CTNNA3: variants seen among roughly 807,000 people sequenced by gnomAD.
CTNNA3 encodes catenin alpha-3.
A neutral mutation model predicts 95.7 loss-of-function variants in CTNNA3; 76 were observed. The ratio of observed to expected loss-of-function variants is 0.79; its 90% CI spans 0.66 to 0.96. CTNNA3 has a LOEUF of 0.96. Among genes scored for constraint, CTNNA3 ranks in the 40% least tolerant of loss-of-function variants. The probability of loss-of-function intolerance (pLI) is 0.00; values close to 1 mark genes in which losing one functional copy is unlikely to be tolerated. For missense variants in CTNNA3, 1,191 were observed against 1,089.8 expected (o/e 1.09, Z -1.31); for synonymous variants, 431 against 374.4 (o/e 1.15, Z -1.74).
chr10:66,174,110 T>G (rs969489878), intron 13 of CTNNA3, among the ~76,000 whole-genome samples: 3 of 152,094 alleles, frequency 2.0e-5, no homozygotes, highest in Non-Finnish European at 4.4e-5. Context: ...ATTGTTTAGG[T>G]AAAGAAACTG....
chr10:67,330,091 T>C (rs1564571344), intron 5 of CTNNA3, among the ~76,000 whole-genome samples: 1 of 152,230 alleles, frequency 6.6e-6, no homozygotes, highest in Non-Finnish European at 1.5e-5. Context: ...ATGTCATTAA[T>C]CTTACTTGCA....
chr10:66,386,080 G>C (rs1346832549), intron 11 of CTNNA3, among the ~76,000 whole-genome samples: 1 of 152,148 alleles, frequency 6.6e-6, no homozygotes, highest in Non-Finnish European at 1.5e-5. Context: ...ACATAGTGTT[G>C]GAAGTTCTGG....
At chr10:67,738,977 G>T (rs184368802) in intron 1 of CTNNA3, among the ~76,000 whole-genome samples, 3 of 152,326 alleles carry the variant, frequency 2.0e-5, no homozygotes, top group African/African-American at 7.2e-5. Context: ...TGGTGTACCT[G>T]AAAGTGACGG....
intron 9 of CTNNA3, among the ~76,000 whole-genome samples, chr10:66,695,762 T>G (rs947154082): frequency 6.6e-6 from 1 of 152,132 alleles, no homozygotes; most frequent in East Asian, 1.9e-4. Context: ...GCTAGATTCC[T>G]GCTTAAAAAT....
At chr10:66,943,855 A>G (rs1047477669) in intron 7 of CTNNA3, among the ~76,000 whole-genome samples, 2 of 152,200 alleles carry the variant, frequency 1.3e-5, no homozygotes, top group Non-Finnish European at 2.9e-5. Flanking sequence ...GTGCAGTAGC[A>G]CTATGTCAAA....
At chr10:66,936,517 C>G (rs1847703194) in intron 7 of CTNNA3, among the ~76,000 whole-genome samples, 1 of 151,856 alleles carries the variant, frequency 6.6e-6, no homozygotes, top group African/African-American at 2.4e-5. Context: ...TGTTTTCTGC[C>G]TGCAGATCTT....
intron 5 of CTNNA3, among the ~76,000 whole-genome samples, chr10:67,231,921 A>G (rs1298694267): frequency 6.6e-6 from 1 of 152,240 alleles, no homozygotes; most frequent in Non-Finnish European, 1.5e-5. Flanking sequence ...GCAATGGAAG[A>G]TGAAATGAAT....
At chr10:66,555,465 A>C (rs963244) in intron 10 of CTNNA3, among the ~76,000 whole-genome samples, 17,206 of 152,142 alleles carry the variant, frequency 0.11, 1,747 homozygotes, top group East Asian at 0.56. Context: ...TAATACTTAA[A>C]AATAATCACT....
chr10:67,197,763 A>G (rs1188215903), intron 6 of CTNNA3, among the ~76,000 whole-genome samples: 1 of 152,184 alleles, frequency 6.6e-6, no homozygotes, highest in African/African-American at 2.4e-5. Context: ...CCAGTTAAAT[A>G]GAAATTAACT....
chr10:67,336,533 A>G, intron 5 of CTNNA3, among the ~76,000 whole-genome samples: 1 of 152,222 alleles, frequency 6.6e-6, no homozygotes, highest in East Asian at 1.9e-4. Context: ...TAGCCCAGAT[A>G]ATTGATGAAA....
At chr10:67,218,862 A>G (rs891723925) in intron 6 of CTNNA3, among the ~76,000 whole-genome samples, 3 of 152,186 alleles carry the variant, frequency 2.0e-5, no homozygotes, top group African/African-American at 7.2e-5. Context: ...CAACTATCAT[A>G]GTCCTTTTAA....
chr10:67,380,328 G>A (rs906845772), intron 5 of CTNNA3, among the ~76,000 whole-genome samples: 2 of 152,116 alleles, frequency 1.3e-5, no homozygotes, highest in Non-Finnish European at 2.9e-5. Flanking sequence ...TATAACCAGT[G>A]AAATGGGAAT....
At chr10:66,479,814 T>C (rs1246777531) in intron 11 of CTNNA3, among the ~76,000 whole-genome samples, 1 of 152,096 alleles carries the variant, frequency 6.6e-6, no homozygotes, top group African/African-American at 2.4e-5. Flanking sequence ...CGAAATACTT[T>C]AGCTGAATTT....
At chr10:66,608,579 C>T (rs1844214664) in intron 10 of CTNNA3, among the ~76,000 whole-genome samples, 1 of 151,176 alleles carries the variant, frequency 6.6e-6, no homozygotes, top group Non-Finnish European at 1.5e-5. Context: ...AACAGCACAC[C>T]AAAATAAAAA....
chr10:66,844,588 T>C (rs879924274), intron 7 of CTNNA3, among the ~76,000 whole-genome samples: 14 of 152,218 alleles, frequency 9.2e-5, no homozygotes, highest in African/African-American at 2.2e-4. Flanking sequence ...AGTGATTAGC[T>C]AGTCCTTTGT....
At chr10:66,914,811 T>G (rs1400280640) in intron 7 of CTNNA3, among the ~76,000 whole-genome samples, 5 of 152,174 alleles carry the variant, frequency 3.3e-5, no homozygotes, top group Admixed American at 3.3e-4. Context: ...AGACAATGCA[T>G]AAAAGAATGC....
intron 17 of CTNNA3, among the ~76,000 whole-genome samples, chr10:65,952,506 C>T (rs1475260621): frequency 6.6e-6 from 1 of 152,008 alleles, no homozygotes; most frequent in Non-Finnish European, 1.5e-5. Flanking sequence ...CATACTTCTT[C>T]CCGTCTTTCT....
At chr10:67,459,680 A>G (rs1264899120) in intron 5 of CTNNA3, among the ~76,000 whole-genome samples, 1 of 152,194 alleles carries the variant, frequency 6.6e-6, no homozygotes, top group Non-Finnish European at 1.5e-5. Flanking sequence ...AGCAAAAGCA[A>G]AATGTCTTCA....
At position 67,702,160 on chromosome 10, in the gene CTNNA3, C is replaced by T. The variant is rs1184289254; in HGVS notation, c.-1-54646G>A. 2.0e-5 allele frequency among the ~76,000 whole-genome samples: 3 copies of T among 152,092 alleles called. No individual in the cohort carries two copies. The East Asian group carries it at 5.8e-4, about 29-fold the overall frequency. The stretch of plus-strand genomic sequence containing the variant: ...AGTGACCTACAAAGAGACTTAGACT[C>T]CCATACAATAATAATGGGAGACTTT... On this transcript the variant is annotated intron_variant, in intron 1 of 17. Transcript: ENST00000684154.
Sources: allele counts gnomAD v4.1 joint callset (sites outside exome capture counted in the v4.1 genomes callset), GRCh38; gene constraint gnomAD v4.1.1; transcripts MANE v1.5; gene names NCBI Gene and HGNC (gene_info 2026-07-23, HGNC 2026-07-21).